The following SP140L variants were observed in gnomAD, a reference collection of about 807,000 sequenced individuals.
The protein encoded by SP140L is SP140 like nuclear body protein.
SP140L carries 64 observed loss-of-function variants against 84.3 expected under a neutral mutation model. That is an observed-to-expected ratio of 0.76 (90% CI 0.62 to 0.94). The LOEUF is 0.94. SP140L is among the 40% of genes least tolerant of loss of function. The pLI, the probability that SP140L is intolerant of heterozygous loss-of-function variation, is 0.00. For missense variants in SP140L, 628 were observed against 692.5 expected (o/e 0.91, Z 1.05); for synonymous variants, 242 against 236.9 (o/e 1.02, Z -0.20).
chr2:230,352,537 G>T (rs1161801842), intron 2 of SP140L, among the ~76,000 whole-genome samples: 4 of 152,074 alleles, frequency 2.6e-5, no homozygotes, highest in African/African-American at 9.7e-5. Context: ...GAATCCACCC[G>T]CATGATCCAA....
chr2:230,382,126 A>G (rs1233197021), intron 7 of SP140L, among the ~76,000 whole-genome samples: 1 of 151,956 alleles, frequency 6.6e-6, no homozygotes, highest in East Asian at 1.9e-4. Context: ...TGTCCAATCT[A>G]TCCTCTTTGT....
At chr2:230,361,278 T>C (rs1029219714) in intron 4 of SP140L, among the ~76,000 whole-genome samples, 1 of 152,190 alleles carries the variant, frequency 6.6e-6, no homozygotes, top group African/African-American at 2.4e-5. Context: ...ATGGAATCTC[T>C]CTAGGACTTG....
intron 7 of SP140L, chr2:230,371,857 A>T: frequency 3.6e-6 from 2 of 556,258 alleles, no homozygotes; most frequent in Non-Finnish European, 6.6e-6. Context: ...TTACAGATAC[A>T]ATTAATTTAG....
At chr2:230,359,173 AT>A (rs746032779) in intron 4 of SP140L, 41 bp downstream of exon 4, 4 of 1,563,676 alleles carry the variant, frequency 2.6e-6, no homozygotes, top group African/African-American at 1.4e-5. Flanking sequence ...TCCGGGGCCA[AT>A]TTTTTTCAAT....
chr2:230,332,561 G>C (rs1400880780), intron 2 of SP140L, among the ~76,000 whole-genome samples: 1 of 152,184 alleles, frequency 6.6e-6, no homozygotes, highest in Non-Finnish European at 1.5e-5. Context: ...TCAGTAATCA[G>C]TGTTATCGTT....
At chr2:230,343,988 G>A (rs2060138712) in intron 2 of SP140L, among the ~76,000 whole-genome samples, 1 of 152,186 alleles carries the variant, frequency 6.6e-6, no homozygotes, top group African/African-American at 2.4e-5. Flanking sequence ...TGGGAAGAAT[G>A]TGTATTCTGT....
chr2:230,355,897 G>A (rs149124341), intron 2 of SP140L, among the ~76,000 whole-genome samples: 2,767 of 152,124 alleles, frequency 0.018, 46 homozygotes, highest in Non-Finnish European at 0.026. Context: ...TACAGACTGG[G>A]TGAAAATATT....
chr2:230,401,392 C>G lies in SP140L; in HGVS notation c.1449C>G (p.Val483=). 6.3e-7 allele frequency: 1 copy of G among 1,585,150 alleles called. No individual in the cohort carries two copies. Among genetic ancestry groups the G allele is most frequent in the Non-Finnish European group, 8.6e-7 (1 of 1,167,378 alleles). ...QLKCEFLLLK[V]YCCSESSFFA... ...AATGTGAGTTCCTCCTCTTGAAAGT[C>G]TATTGCTGTTCTGAGAGCTCCTTTT... Residue 483 remains valine (V), a synonymous_variant, in exon 17 of 19, where the codon GTC becomes GTG. Coordinates refer to ENST00000415673, the MANE Select transcript of SP140L (RefSeq NM_138402.6).
At chr2:230,340,468 C>A (rs1181696375) in intron 2 of SP140L, among the ~76,000 whole-genome samples, 18 of 148,708 alleles carry the variant, frequency 1.2e-4, no homozygotes, top group Non-Finnish European at 8.9e-5. Flanking sequence ...GTGTCTTTTA[C>A]TTGGAGCATT....
At chr2:230,374,566 A>G (rs865790367) in intron 7 of SP140L, among the ~76,000 whole-genome samples, 2 of 152,246 alleles carry the variant, frequency 1.3e-5, no homozygotes, top group South Asian at 4.1e-4. Context: ...CAATAGCTTT[A>G]CATGTTACAG....
At chr2:230,349,975 C>G (rs1219734547) in intron 2 of SP140L, among the ~76,000 whole-genome samples, 3 of 152,166 alleles carry the variant, frequency 2.0e-5, no homozygotes, top group Non-Finnish European at 4.4e-5. Context: ...AGCCACTGCA[C>G]TCCAGCCTGG....
chr2:230,369,781 T>C (rs1408570445), intron 5 of SP140L, among the ~76,000 whole-genome samples: 1 of 152,224 alleles, frequency 6.6e-6, no homozygotes, highest in African/African-American at 2.4e-5. Context: ...TGTTTTCTTG[T>C]TTTTGAGACT....
At chr2:230,333,077 TA>T (rs2059770277) in intron 2 of SP140L, among the ~76,000 whole-genome samples, 1 of 152,218 alleles carries the variant, frequency 6.6e-6, no homozygotes, top group African/African-American at 2.4e-5. Context: ...GAAAATTTGG[TA>T]AATCTAAATG....
chr2:230,344,859 T>C (rs1188514435), intron 2 of SP140L, among the ~76,000 whole-genome samples: 3 of 152,228 alleles, frequency 2.0e-5, no homozygotes, highest in African/African-American at 7.2e-5. Flanking sequence ...CTGTTATGGA[T>C]TTCGAGTTTC....
chr2:230,353,231 G>A (rs1288762664), intron 2 of SP140L, among the ~76,000 whole-genome samples: 1 of 151,810 alleles, frequency 6.6e-6, no homozygotes, highest in African/African-American at 2.4e-5. Flanking sequence ...CCAACACAGT[G>A]TGTTTTGTTT....
At chr2:230,371,326 AC>A (rs376872378) in intron 6 of SP140L, among the ~76,000 whole-genome samples, 6 of 152,298 alleles carry the variant, frequency 3.9e-5, no homozygotes, top group African/African-American at 7.2e-5. Context: ...GAAAGGCCTC[AC>A]CCAAAAGACA....
intron 10 of SP140L, 28 bp downstream of exon 10, chr2:230,388,661 C>CA (rs1272315637): frequency 6.4e-7 from 1 of 1,551,846 alleles, no homozygotes; most frequent in East Asian, 2.3e-5. Context: ...AATGCACTTT[C>CA]AATAACTAAA....
intron 11 of SP140L, 153 bp from the exon 12 acceptor site, chr2:230,391,934 T>A (rs2061825456): frequency 9.8e-7 from 1 of 1,016,752 alleles, no homozygotes; most frequent in Non-Finnish European, 1.4e-6. Context: ...CAGGCTGGAT[T>A]TGGGGCCTCT....
At chr2:230,388,719 T>G (rs7586155) in intron 10 of SP140L, 86 bp downstream of exon 10, 293,284 of 1,134,292 alleles carry the variant, frequency 0.26, 41,937 homozygotes, top group Non-Finnish European at 0.3. Context: ...ATAAACCTAT[T>G]TCTTTAATTG....
Sources: allele counts gnomAD v4.1 joint callset (sites outside exome capture counted in the v4.1 genomes callset), GRCh38; gene constraint gnomAD v4.1.1; transcripts MANE v1.5; gene names NCBI Gene and HGNC (gene_info 2026-07-23, HGNC 2026-07-21).